Variants in RNF130 observed in about 807,000 individuals in gnomAD.
RNF130 encodes the protein E3 ubiquitin-protein ligase RNF130.
RNF130 carries 21 observed loss-of-function variants against 44.6 expected under a neutral mutation model. The ratio of observed to expected loss-of-function variants is 0.47; its 90% CI spans 0.33 to 0.68. RNF130 has a LOEUF of 0.68. Among genes scored for constraint, RNF130 ranks in the 30% least tolerant of loss-of-function variants. The pLI is 0.02. For synonymous variants in RNF130, 214 were observed against 210.4 expected (o/e 1.02, Z -0.15); for missense variants, 479 against 560.6 (o/e 0.85, Z 1.47).
At chr5:180,011,503 C>T (rs1173272870) in intron 3 of RNF130, among the ~76,000 whole-genome samples, 2 of 152,194 alleles carry the variant, frequency 1.3e-5, no homozygotes, top group African/African-American at 2.4e-5. Context: ...GTGGTGTTCA[C>T]ACCCATAATC....
At chr5:179,994,976 T>A (rs1052513407) in intron 3 of RNF130, among the ~76,000 whole-genome samples, 1 of 152,070 alleles carries the variant, frequency 6.6e-6, no homozygotes, top group African/African-American at 2.4e-5. Context: ...GGGAGGGGAC[T>A]GGTGGGGAGA....
intron 1 of RNF130, among the ~76,000 whole-genome samples, chr5:180,044,763 C>A (rs75650050): frequency 6.6e-6 from 1 of 151,568 alleles, no homozygotes; most frequent in Admixed American, 6.6e-5. Context: ...ACCCAGGAGG[C>A]GGAGGTTACA....
chr5:180,042,640 T>A (rs1004246143), intron 1 of RNF130, among the ~76,000 whole-genome samples: 1 of 152,220 alleles, frequency 6.6e-6, no homozygotes, highest in Non-Finnish European at 1.5e-5. Context: ...TAATACTGTA[T>A]CCAAACGGGG....
intron 2 of RNF130, among the ~76,000 whole-genome samples, chr5:180,032,732 A>G (rs1407055738): frequency 1.3e-5 from 2 of 152,162 alleles, no homozygotes; most frequent in African/African-American, 4.8e-5. Flanking sequence ...CTTGATTACT[A>G]AAGTTGTGAA....
intron 3 of RNF130, among the ~76,000 whole-genome samples, chr5:179,985,327 C>T (rs1442233449): frequency 2.0e-5 from 3 of 152,060 alleles, no homozygotes; most frequent in African/African-American, 7.2e-5. Flanking sequence ...ACATCTTCAA[C>T]AGTGCCATCT....
intron 3 of RNF130, among the ~76,000 whole-genome samples, chr5:179,995,696 G>C (rs1231748381): frequency 6.6e-6 from 1 of 152,184 alleles, no homozygotes; most frequent in African/African-American, 2.4e-5. Context: ...CTGTGGCCTG[G>C]ATTGCACACT....
chr5:180,022,380 T>A (rs1406710488), intron 2 of RNF130, among the ~76,000 whole-genome samples: 1 of 152,238 alleles, frequency 6.6e-6, no homozygotes, highest in Non-Finnish European at 1.5e-5. Flanking sequence ...CGTTATTCAT[T>A]TTGATGCTGA....
At chr5:179,997,000 T>C (rs1763214120) in intron 3 of RNF130, among the ~76,000 whole-genome samples, 1 of 152,242 alleles carries the variant, frequency 6.6e-6, no homozygotes, top group African/African-American at 2.4e-5. Flanking sequence ...TACTCATAAC[T>C]GGTCTGTTTG....
intron 3 of RNF130, among the ~76,000 whole-genome samples, chr5:179,992,640 T>C (rs1317808761): frequency 1.3e-5 from 2 of 152,242 alleles, no homozygotes; most frequent in South Asian, 2.1e-4. Flanking sequence ...TAGTATTATA[T>C]TGACTTCTTC....
intron 2 of RNF130, among the ~76,000 whole-genome samples, chr5:180,024,908 C>G (rs1376112338): frequency 1.3e-5 from 2 of 152,174 alleles, no homozygotes; most frequent in African/African-American, 2.4e-5. Flanking sequence ...CTGGGGGTGT[C>G]TGGAAGCCCT....
At chr5:180,006,553 A>G (rs1302151904) in intron 3 of RNF130, among the ~76,000 whole-genome samples, 2 of 152,228 alleles carry the variant, frequency 1.3e-5, no homozygotes, top group East Asian at 3.8e-4. Context: ...CAAATTTTAA[A>G]TACCTTAAAA....
chr5:180,014,371 C>T (rs763066836), intron 2 of RNF130, among the ~76,000 whole-genome samples: 8 of 152,140 alleles, frequency 5.3e-5, no homozygotes, highest in Non-Finnish European at 7.3e-5. Flanking sequence ...CTGAAGCTGC[C>T]GGTGGCAACA....
At chr5:180,004,988 G>T (rs1763429894) in intron 3 of RNF130, among the ~76,000 whole-genome samples, 1 of 152,004 alleles carries the variant, frequency 6.6e-6, no homozygotes, top group Non-Finnish European at 1.5e-5. Context: ...CCATCTGCCT[G>T]TGCCCAGATC....
chr5:179,953,338 A>G (rs1259727352), downstream of RNF130, among the ~76,000 whole-genome samples: 1 of 151,376 alleles, frequency 6.6e-6, no homozygotes, highest in Non-Finnish European at 1.5e-5. Context: ...TGAGAAGTTG[A>G]TTCTAAAATT....
chr5:179,971,613 C>T (rs986625932), intron 5 of RNF130, among the ~76,000 whole-genome samples: 1 of 152,328 alleles, frequency 6.6e-6, no homozygotes, highest in Admixed American at 6.5e-5. Flanking sequence ...TCGTGATCCG[C>T]CCGCCTCGGC....
chr5:180,056,819 A>G (rs1433850148), intron 1 of RNF130, among the ~76,000 whole-genome samples: 1 of 152,204 alleles, frequency 6.6e-6, no homozygotes, highest in East Asian at 1.9e-4. Flanking sequence ...TAACTACCAC[A>G]TATTCATAAA....
intron 3 of RNF130, among the ~76,000 whole-genome samples, chr5:180,008,659 C>T (rs1407351855): frequency 1.3e-5 from 2 of 152,064 alleles, no homozygotes; most frequent in African/African-American, 4.8e-5. Flanking sequence ...CTGAGGTGCA[C>T]AGATCGCTTG....
intron 5 of RNF130, among the ~76,000 whole-genome samples, chr5:179,974,104 T>C (rs570863071): frequency 8.5e-5 from 13 of 152,246 alleles, no homozygotes; most frequent in Non-Finnish European, 1.5e-4. Context: ...TGTAAGAACC[T>C]GGCAAATATA....
chr5:179,974,237 G>GC (rs1282594308), intron 5 of RNF130, among the ~76,000 whole-genome samples: 2 of 152,296 alleles, frequency 1.3e-5, no homozygotes, highest in Admixed American at 6.5e-5. Flanking sequence ...GCAGCGGCCG[G>GC]CCCCCCGCTT....
Sources: gnomAD v4.1 joint callset for allele counts (sites outside exome capture counted in the v4.1 genomes callset) on GRCh38, gnomAD v4.1.1 for gene constraint, MANE v1.5 for transcripts, NCBI Gene and HGNC (gene_info 2026-07-23, HGNC 2026-07-21) for gene names.